Variants in THADA observed in about 807,000 individuals in gnomAD.
The protein encoded by THADA is tRNA (32-2'-O)-methyltransferase regulator THADA.
In THADA, 213 loss-of-function variants were observed where a neutral mutation model predicts 219.8. The ratio of observed to expected loss-of-function variants is 0.97; its 90% CI spans 0.87 to 1.09. THADA has a LOEUF of 1.09. THADA is among the 50% of genes least tolerant of loss of function. The pLI is 0.00. For missense variants in THADA, 2,956 were observed against 2,311.3 expected, an observed-to-expected ratio of 1.28 and a Z score of -5.72; for synonymous variants, 1,018 against 828.9, an observed-to-expected ratio of 1.23 and a Z score of -3.92.
intron 35 of THADA, among the ~76,000 whole-genome samples, chr2:43,283,540 C>T (rs1673625098): frequency 6.6e-6 from 1 of 152,218 alleles, no homozygotes; most frequent in Non-Finnish European, 1.5e-5. Flanking sequence ...CTCTCAGATG[C>T]AGATGAGGAA....
chr2:43,377,415 A>C (rs1360992318), intron 29 of THADA, among the ~76,000 whole-genome samples: 1 of 152,120 alleles, frequency 6.6e-6, no homozygotes, highest in Non-Finnish European at 1.5e-5. Flanking sequence ...AAATGTGTTA[A>C]ATATACCAAG....
At chr2:43,415,291 G>A (rs888922225) in intron 28 of THADA, among the ~76,000 whole-genome samples, 4 of 152,160 alleles carry the variant, frequency 2.6e-5, no homozygotes, top group Admixed American at 1.3e-4. Flanking sequence ...AGTGGGTAGA[G>A]GGCACTGCTT....
chr2:43,354,412 ATTG>A (rs1433524260), intron 29 of THADA, among the ~76,000 whole-genome samples: 1 of 151,926 alleles, frequency 6.6e-6, no homozygotes, highest in African/African-American at 2.4e-5. Flanking sequence ...ACAATAAATT[ATTG>A]TTGACTGTAG....
At chr2:43,439,839 G>C (rs940105418) in intron 26 of THADA, among the ~76,000 whole-genome samples, 1 of 151,954 alleles carries the variant, frequency 6.6e-6, no homozygotes, top group African/African-American at 2.4e-5. Flanking sequence ...TTAGATCCAA[G>C]GTGTTTATTG....
chr2:43,542,609 A>G (rs892653719), intron 20 of THADA, among the ~76,000 whole-genome samples: 1 of 152,236 alleles, frequency 6.6e-6, no homozygotes, highest in Admixed American at 6.5e-5. Context: ...TTGACACAAC[A>G]AAGCAGCTCC....
chr2:43,297,262 C>T (rs1675548698), intron 31 of THADA, among the ~76,000 whole-genome samples: 1 of 110,580 alleles, frequency 9.0e-6, no homozygotes, highest in South Asian at 3.3e-4. Context: ...GCGTCTCTGC[C>T]CGGCCACCCC....
chr2:43,407,929 T>G (rs1323204066), intron 28 of THADA, among the ~76,000 whole-genome samples: 1 of 152,084 alleles, frequency 6.6e-6, no homozygotes, highest in African/African-American at 2.4e-5. Flanking sequence ...TGCCAATTTT[T>G]TTGTTGTGAT....
At position 43,536,197 on chromosome 2, in the gene THADA, T is replaced by C. The variant is rs191214665; in HGVS notation, c.3264+4962A>G. Among the ~76,000 whole-genome samples the C allele has an allele frequency of 3.8e-4, 58 of 152,294 alleles. 1 individual carries two copies. The highest frequency in any genetic ancestry group is 1.4e-3 in the African/African-American group (57 of 41,568). ...AGCATACTCAGTTTTCCCAGCACCG[T>C]TTATTGGACAGTCCTTTACCCAATG... On this transcript the variant is annotated intron_variant, in intron 21 of 37. Transcript: ENST00000405975.
chr2:43,547,858 C>G, intron 20 of THADA, among the ~76,000 whole-genome samples: 1 of 152,226 alleles, frequency 6.6e-6, no homozygotes, highest in Non-Finnish European at 1.5e-5. Flanking sequence ...GCCTTCTTCT[C>G]TCAACAAGTC....
chr2:43,409,978 C>A, intron 28 of THADA, among the ~76,000 whole-genome samples: 1 of 150,364 alleles, frequency 6.7e-6, no homozygotes, highest in Non-Finnish European at 1.5e-5. Flanking sequence ...GACTGTGCCA[C>A]TGCACTCCAG....
At chr2:43,371,137 T>C (rs1670755021) in intron 29 of THADA, among the ~76,000 whole-genome samples, 2 of 152,236 alleles carry the variant, frequency 1.3e-5, no homozygotes, top group Admixed American at 1.3e-4. Flanking sequence ...GGTAGATTTT[T>C]ATATTTATTC....
chr2:43,538,499 G>A (rs185379231), intron 21 of THADA: 10 of 152,266 alleles, frequency 6.6e-5, no homozygotes, highest in Admixed American at 6.5e-4. Context: ...GTGCTCTAGG[G>A]AATCAATCAT....
In THADA at chr2:43,571,101, T is replaced by C. The variant is rs576725267; in HGVS notation, c.2065-591A>G. Among the ~76,000 whole-genome samples, 281 of 152,066 alleles carry C rather than the reference T, an allele frequency of 1.8e-3. 4 individuals carry two copies. Among genetic ancestry groups the C allele is most frequent in the Non-Finnish European group, 2.2e-3 (150 of 67,974 alleles). ...CAAGACACTATCTCTAAAAAAAAAT[T>C]AAATATTAGTCAGGCATGGTGGTGT... On this transcript the variant is annotated intron_variant, in intron 13 of 37. Transcript: ENST00000405975.
chr2:43,291,596 G>A, intron 34 of THADA, 100 bp downstream of exon 34: 1 of 753,102 alleles, frequency 1.3e-6, no homozygotes, highest in Non-Finnish European at 2.0e-6. Context: ...ACATATCACA[G>A]GGGTTCTGCC....
chr2:43,570,522 A>G lies in THADA; in HGVS notation c.2065-12T>C, dbSNP rs1699176267. On this transcript the variant is annotated splice_polypyrimidine_tract_variant and intron_variant, in intron 13 of 37. Coordinates refer to ENST00000405975, the MANE Select transcript of THADA (RefSeq NM_022065.5). ...ATCCTACAAAACAACTTTTGAAACA[A>G]AGGAAATGAAGCACAGGTGAGCCAC... The G allele has an allele frequency of 6.2e-7, 1 of 1,602,720 alleles. No homozygotes were observed. The highest frequency in any genetic ancestry group is 1.3e-5 in the African/African-American group (1 of 74,244).
chr2:43,489,381 G>GT (rs1023407781), intron 25 of THADA, among the ~76,000 whole-genome samples: 2 of 151,920 alleles, frequency 1.3e-5, no homozygotes, highest in Non-Finnish European at 2.9e-5. Context: ...TAATTTATCA[G>GT]TTTTTTTCAT....
At chr2:43,486,236 CATT>C (rs1686905683) in intron 25 of THADA, among the ~76,000 whole-genome samples, 1 of 152,114 alleles carries the variant, frequency 6.6e-6, no homozygotes, top group Non-Finnish European at 1.5e-5. Context: ...TAACTGATAA[CATT>C]AGTAAAGATA....
At chr2:43,371,683 A>C (rs1670820639) in intron 29 of THADA, among the ~76,000 whole-genome samples, 1 of 152,164 alleles carries the variant, frequency 6.6e-6, no homozygotes. Flanking sequence ...GAATGCATCA[A>C]CTCCTTGGCA....
intron 26 of THADA, among the ~76,000 whole-genome samples, chr2:43,446,720 TATA>T (rs747004098): frequency 1.3e-5 from 2 of 152,226 alleles, no homozygotes; most frequent in Non-Finnish European, 2.9e-5. Context: ...GAAACACAGT[TATA>T]ATACTGAAGG....
Sources: gnomAD v4.1 joint callset for allele counts (sites outside exome capture counted in the v4.1 genomes callset) on GRCh38, gnomAD v4.1.1 for gene constraint, MANE v1.5 for transcripts, NCBI Gene and HGNC (gene_info 2026-07-23, HGNC 2026-07-21) for gene names.